The following RSU1 variants were observed in gnomAD, a reference collection of about 807,000 sequenced individuals.
RSU1 encodes rsu-1.
RSU1 carries 26 observed loss-of-function variants against 31.1 expected under a neutral mutation model. That is an observed-to-expected ratio of 0.84 (90% CI 0.61 to 1.16). The LOEUF (loss-of-function observed/expected upper bound fraction) is 1.16, where lower values mean the gene tolerates loss of function less well. Ranked by LOEUF, RSU1 falls within the 50% of genes most tolerant of loss-of-function variation. The pLI is 0.00. For missense variants in RSU1, 320 were observed against 339.1 expected (o/e 0.94, Z 0.44); for synonymous variants, 164 against 136.3 (o/e 1.20, Z -1.41).
intron 7 of RSU1, among the ~76,000 whole-genome samples, chr10:16,718,466 A>G (rs1429910980): frequency 1.3e-5 from 2 of 152,180 alleles, no homozygotes; most frequent in Non-Finnish European, 2.9e-5. Context: ...GATGGTCACA[A>G]GGGCAAAAAT....
Position 16,753,142 on chromosome 10 carries a change from C to G in RSU1, c.401-142G>C, listed in dbSNP as rs112746454. The G allele has an allele frequency of 8.5e-3, 5,165 of 608,450 alleles. 222 individuals carry two copies. The African/African-American group carries it at 0.085, about 10-fold the overall frequency. The allele number at this position is 608,450 out of a possible 1,614,324, so 37.7% of individuals were successfully genotyped here. Reference sequence around the variant, plus strand: ...ACATACCTAGGGCTCCCAATAATAACAAGCAGGTCAAACTTAGATTTACTG... The same window carrying G: ...ACATACCTAGGGCTCCCAATAATAAGAAGCAGGTCAAACTTAGATTTACTG... On this transcript the variant is annotated intron_variant, in intron 5 of 8. Transcript: ENST00000345264.
chr10:16,779,083 C>T (rs1837599864), intron 3 of RSU1, among the ~76,000 whole-genome samples: 1 of 152,144 alleles, frequency 6.6e-6, no homozygotes, highest in African/African-American at 2.4e-5. Flanking sequence ...ACTATTCTTC[C>T]CGTCTCCTTA....
intron 7 of RSU1, among the ~76,000 whole-genome samples, chr10:16,742,496 T>C (rs1353097872): frequency 6.6e-6 from 1 of 151,508 alleles, no homozygotes; most frequent in Non-Finnish European, 1.5e-5. Flanking sequence ...TCTTTTAACA[T>C]AGGAACACTA....
rs183204212 is a variant in RSU1 at position 16,767,598 on chromosome 10, C to T, written c.161-3088G>A. 5.4e-4 allele frequency among the ~76,000 whole-genome samples: 82 copies of T among 152,150 alleles called. No individual in the cohort carries two copies. The East Asian group carries it at 6.8e-3, about 13-fold the overall frequency. ...ACAGCTAATAGTCTCCCTCAATATACGGAATTTTTTTTTAACCCCCAGCCA... is the reference window on the plus strand; with the variant it reads ...ACAGCTAATAGTCTCCCTCAATATATGGAATTTTTTTTTAACCCCCAGCCA... On this transcript the variant is annotated intron_variant, in intron 3 of 8. Coordinates refer to ENST00000345264, the MANE Select transcript of RSU1 (RefSeq NM_012425.4).
In RSU1 at chr10:16,808,694, G is replaced by C. The variant is rs138830275; in HGVS notation, c.109+8279C>G. Among the ~76,000 whole-genome samples, 24 of 152,254 alleles carry C rather than the reference G, an allele frequency of 1.6e-4. No individual in the cohort carries two copies. In the East Asian group the frequency reaches 4.6e-3, roughly 29 times the overall value. The stretch of plus-strand genomic sequence containing the variant: ...GTATCATTTGAGAACCTCTAATCTA[G>C]ATGTTATGGAATGAACTATGTCTTC... On this transcript the variant is annotated intron_variant, in intron 2 of 8. Coordinates refer to ENST00000345264, the MANE Select transcript of RSU1 (RefSeq NM_012425.4).
intron 8 of RSU1, among the ~76,000 whole-genome samples, chr10:16,637,848 G>A (rs1834372620): frequency 6.6e-6 from 1 of 151,582 alleles, no homozygotes; most frequent in African/African-American, 2.4e-5. Context: ...GATTTTCCTA[G>A]CAGAGAGGAG....
chr10:16,809,640 G>C (rs1185149059), intron 2 of RSU1, among the ~76,000 whole-genome samples: 3 of 151,998 alleles, frequency 2.0e-5, no homozygotes, highest in South Asian at 2.1e-4. Context: ...CCAAAGAAGA[G>C]GTCTTTACGC....
At chr10:16,660,970 G>A (rs978724281) in intron 8 of RSU1, among the ~76,000 whole-genome samples, 9 of 152,088 alleles carry the variant, frequency 5.9e-5, no homozygotes, top group Admixed American at 3.3e-4. Context: ...CTTCATTTAT[G>A]TGTAATACCC....
chr10:16,695,167 G>GAAAGAAAA lies in RSU1; in HGVS notation c.599-13_599-12insTTTTCTTT. On this transcript the variant is annotated splice_polypyrimidine_tract_variant and intron_variant, in intron 7 of 8. Transcript: ENST00000345264. ...TAAATCCAAGTTTCCTGGGGGGGGG[G>GAAAGAAAA]AAAAAAAAAGTGAAGGTCACTTCAT... is the stretch of plus-strand genomic sequence containing the variant. The GAAAGAAAA allele has an allele frequency of 7.6e-7, 1 of 1,318,160 alleles. No individual in the cohort carries two copies. The highest frequency in any genetic ancestry group is 1.0e-6 in the Non-Finnish European group (1 of 970,986). 81.7% of individuals were successfully genotyped at this position (1,318,160 alleles called of 1,614,324 possible). A position where few individuals can be genotyped will look rare whatever the true frequency, so the allele number is the denominator to read the frequency against.
intron 7 of RSU1, chr10:16,723,260 T>C (rs1435220317): frequency 6.6e-6 from 1 of 152,172 alleles, no homozygotes; most frequent in African/African-American, 2.4e-5. Flanking sequence ...TCTTTAATTA[T>C]ATAAGATCCA....
chr10:16,775,091 T>G (rs1385142326), intron 3 of RSU1, among the ~76,000 whole-genome samples: 1 of 152,216 alleles, frequency 6.6e-6, no homozygotes. Context: ...AGAATGTATG[T>G]ACCTAAGTAT....
chr10:16,710,317 C>T (rs1459921219), intron 7 of RSU1, among the ~76,000 whole-genome samples: 3 of 152,180 alleles, frequency 2.0e-5, no homozygotes, highest in Admixed American at 2.0e-4. Context: ...TATTGACTTG[C>T]ATACGTTAAA....
chr10:16,743,000 AT>A (rs1209936799), intron 7 of RSU1, among the ~76,000 whole-genome samples: 2 of 152,250 alleles, frequency 1.3e-5, no homozygotes. Flanking sequence ...GACGGGAGTC[AT>A]TTTTGATTAT....
intron 7 of RSU1, among the ~76,000 whole-genome samples, chr10:16,720,443 T>G (rs2131589268): frequency 6.6e-6 from 1 of 152,344 alleles, no homozygotes; most frequent in East Asian, 1.9e-4. Flanking sequence ...CAGAATTACT[T>G]AGATAATCTC....
intron 8 of RSU1, among the ~76,000 whole-genome samples, chr10:16,690,828 G>A (rs56312036): frequency 3.7e-4 from 56 of 152,270 alleles, no homozygotes; most frequent in African/African-American, 1.2e-3. Context: ...AGAAAAAAGC[G>A]GTTGGGGTGG....
At chr10:16,719,191 C>A (rs1034160378) in intron 7 of RSU1, among the ~76,000 whole-genome samples, 1 of 151,962 alleles carries the variant, frequency 6.6e-6, no homozygotes, top group African/African-American at 2.4e-5. Context: ...GCCTCTAGTC[C>A]CAGCTACTCA....
chr10:16,605,774 G>GT (rs1400236806), intron 8 of RSU1, among the ~76,000 whole-genome samples: 10 of 152,252 alleles, frequency 6.6e-5, no homozygotes, highest in Admixed American at 3.9e-4. Flanking sequence ...AACTTCTTAT[G>GT]TTTTTTCCTC....
chr10:16,678,239 G>A (rs1391968852), intron 8 of RSU1, among the ~76,000 whole-genome samples: 1 of 152,106 alleles, frequency 6.6e-6, no homozygotes, highest in African/African-American at 2.4e-5. Context: ...TGGTCTTCAT[G>A]AATGACCATC....
At chr10:16,682,828 C>A (rs986031248) in intron 8 of RSU1, among the ~76,000 whole-genome samples, 8 of 152,066 alleles carry the variant, frequency 5.3e-5, no homozygotes, top group African/African-American at 1.9e-4. Flanking sequence ...AGGATCCACA[C>A]CTACTGGAGG....
Sources: allele counts gnomAD v4.1 joint callset (sites outside exome capture counted in the v4.1 genomes callset), GRCh38; gene constraint gnomAD v4.1.1; transcripts MANE v1.5; gene names NCBI Gene and HGNC (gene_info 2026-07-23, HGNC 2026-07-21).